Variants in NCOR1 observed in about 807,000 individuals in gnomAD.
NCOR1 encodes nuclear receptor corepressor 1.
NCOR1 carries 63 observed loss-of-function variants against 288.1 expected under a neutral mutation model. That is an observed-to-expected ratio of 0.22 (90% CI 0.18 to 0.27). NCOR1 has a LOEUF of 0.27. NCOR1 is among the 10% of genes least tolerant of loss of function. The pLI is 1.00. For missense variants in NCOR1, 2,397 were observed against 3,019.2 expected (o/e 0.79, Z 4.83); for synonymous variants, 1,007 against 1,065.9 (o/e 0.94, Z 1.08).
chr17:16,078,965 G>A (rs2062958073), intron 26 of NCOR1, among the ~76,000 whole-genome samples: 1 of 152,160 alleles, frequency 6.6e-6, no homozygotes, highest in Non-Finnish European at 1.5e-5. Flanking sequence ...CTACATTTCA[G>A]AAAGAAATCA....
In NCOR1 at chr17:16,140,176, A is replaced by T. The variant is rs537023087; in HGVS notation, c.1174-990T>A. 1.9e-4 allele frequency among the ~76,000 whole-genome samples: 29 copies of T among 152,336 alleles called. No homozygotes were observed. The South Asian group carries it at 5.6e-3, about 29-fold the overall frequency. On this transcript the variant is annotated intron_variant, in intron 11 of 45. Transcript: ENST00000268712. Reference sequence around the variant, plus strand: ...GGGCTGAATGTCATTTCAATCATGTACTTACAGATGTTTCCTCATGGAATC... The same window carrying T: ...GGGCTGAATGTCATTTCAATCATGTTCTTACAGATGTTTCCTCATGGAATC...
intron 1 of NCOR1, among the ~76,000 whole-genome samples, chr17:16,204,043 C>T (rs1022341463): frequency 2.8e-4 from 42 of 151,846 alleles, no homozygotes; most frequent in Non-Finnish European, 5.9e-4. Flanking sequence ...GTAACTAACC[C>T]CATCTGTATT....
At chr17:16,032,664 T>A (rs1001159748) in intron 45 of NCOR1, among the ~76,000 whole-genome samples, 181 bp from the exon 46 acceptor site, 3 of 152,188 alleles carry the variant, frequency 2.0e-5, no homozygotes, top group Non-Finnish European at 4.4e-5. Flanking sequence ...GCCAATGATA[T>A]ATAGCAGTCA....
chr17:16,092,343 T>G (rs962785773), intron 21 of NCOR1, among the ~76,000 whole-genome samples: 2 of 151,754 alleles, frequency 1.3e-5, no homozygotes, highest in African/African-American at 4.8e-5. Context: ...AAAATTTAGC[T>G]GGGTGCAGTG....
chr17:16,200,656 T>C (rs2090668271), intron 1 of NCOR1, among the ~76,000 whole-genome samples: 1 of 152,114 alleles, frequency 6.6e-6, no homozygotes, highest in Non-Finnish European at 1.5e-5. Context: ...AAATATGTAA[T>C]TTTTACGTGA....
chr17:16,121,399 ATTATC>A, intron 15 of NCOR1, 130 bp from the exon 16 acceptor site: 1 of 718,692 alleles, frequency 1.4e-6, no homozygotes, highest in Non-Finnish European at 2.1e-6. Context: ...AAAAAAAAAA[ATTATC>A]AACAATTCTG....
In NCOR1 at chr17:16,072,224, C is replaced by G. The variant is rs2061835782; in HGVS notation, c.3816G>C (p.Leu1272=). The change falls in exon 29 of 46, where the codon CTG becomes CTC. Residue 1272 remains leucine, a synonymous_variant. Coordinates refer to ENST00000268712, the MANE Select transcript of NCOR1 (RefSeq NM_006311.4). ...ESPVSAPLEG[L]ICRALPRGSP... is the part of the protein sequence containing the mutation. Reference sequence around the variant, plus strand: ...TCCCCCTGGGTAATGCTCGGCATATCAGCCCTTCCAAAACAAGAAAGCAAT... The same window carrying G: ...TCCCCCTGGGTAATGCTCGGCATATGAGCCCTTCCAAAACAAGAAAGCAAT... 6.2e-7 allele frequency: 1 copy of G among 1,609,496 alleles called. No homozygotes were observed. Among genetic ancestry groups the G allele is most frequent in the South Asian group, 1.1e-5 (1 of 90,324 alleles).
chr17:16,040,608 C>A, intron 42 of NCOR1, 114 bp from the exon 43 acceptor site: 1 of 933,020 alleles, frequency 1.1e-6, no homozygotes, highest in Non-Finnish European at 1.6e-6. Flanking sequence ...ATGATCTCAA[C>A]CTTTATTTCT....
chr17:16,079,974 G>A lies in NCOR1; in HGVS notation c.3491C>T (p.Ser1164Phe). 3 of 1,613,172 alleles carry A rather than the reference G, an allele frequency of 1.9e-6. No homozygotes were observed. Among genetic ancestry groups the A allele is most frequent in the Non-Finnish European group, 2.5e-6 (3 of 1,179,184 alleles). Reference protein sequence around the residue: ...SVESIPSLRGSITQGTPALPQ... With the variant: ...SVESIPSLRGFITQGTPALPQ... ...ATGATCGTGACTAACCTGAGTGATA[G>A]AGCCCCGTAGGGATGGAATGCTCTC... is the stretch of plus-strand genomic sequence containing the variant. The change falls in exon 26 of 46, where the codon TCT becomes TTT. Residue 1164 changes from serine to phenylalanine, a missense_variant. Coordinates refer to ENST00000268712, the MANE Select transcript of NCOR1 (RefSeq NM_006311.4).
chr17:16,160,798 A>T (rs551169601), intron 5 of NCOR1, among the ~76,000 whole-genome samples: 1 of 152,194 alleles, frequency 6.6e-6, no homozygotes, highest in Non-Finnish European at 1.5e-5. Flanking sequence ...TCTCAAAAAA[A>T]CTAAATAAAT....
intron 1 of NCOR1, among the ~76,000 whole-genome samples, chr17:16,195,954 CCAT>C (rs1443387754): frequency 6.6e-6 from 1 of 151,430 alleles, no homozygotes; most frequent in Non-Finnish European, 1.5e-5. Flanking sequence ...AAAATGTGTG[CCAT>C]AATATATAAT....
At position 16,127,329 on chromosome 17, in the gene NCOR1, GTATA is replaced by G. The variant is rs1190264005; in HGVS notation, c.1510-1127_1510-1124del. On this transcript the variant is annotated intron_variant, in intron 14 of 45. Coordinates refer to ENST00000268712, the MANE Select transcript of NCOR1 (RefSeq NM_006311.4). ...TATATACATGTATGTATATATGTATGTATATATACATGTATGTATATATGTATGT... is the reference window on the plus strand; with the variant it reads ...TATATACATGTATGTATATATGTATGTATACATGTATGTATATATGTATGT... Among the ~76,000 whole-genome samples, 77 of 52,578 alleles carry G rather than the reference GTATA, an allele frequency of 1.5e-3. 27 individuals are homozygous for G. The highest frequency in any genetic ancestry group is 3.4e-3 in the African/African-American group (72 of 21,370). 34.5% of individuals were successfully genotyped at this position (52,578 alleles called of 152,430 possible). A position where few individuals can be genotyped will look rare whatever the true frequency, so the allele number is the denominator to read the frequency against.
At chr17:16,139,616 G>C (rs1413226378) in intron 11 of NCOR1, among the ~76,000 whole-genome samples, 2 of 152,030 alleles carry the variant, frequency 1.3e-5, no homozygotes, top group Non-Finnish European at 2.9e-5. Flanking sequence ...ACAATAAATA[G>C]AAAAATAAGC....
rs1316141025 is a variant in NCOR1 at position 16,092,026 on chromosome 17, T to A, written c.2853A>T (p.Gly951=). ...VSCTPCNIPI[G]TPVSGYALYQ... is the part of the protein sequence containing the mutation. ...AGAGAGCATAGCCGCTCACTGGGGT[T>A]CCAATTGGTATGTTACATGGGGTGC... Residue 951 remains glycine, a synonymous_variant, in exon 22 of 46, where the codon GGA becomes GGT. Coordinates refer to ENST00000268712, the MANE Select transcript of NCOR1 (RefSeq NM_006311.4). 6.2e-7 allele frequency: 1 copy of A among 1,614,148 alleles called. No individual in the cohort carries two copies. Among genetic ancestry groups the A allele is most frequent in the African/African-American group, 1.3e-5 (1 of 75,032 alleles).
At chr17:16,204,927 T>A (rs1292923151) in intron 1 of NCOR1, among the ~76,000 whole-genome samples, 1 of 152,144 alleles carries the variant, frequency 6.6e-6, no homozygotes, top group African/African-American at 2.4e-5. Context: ...CACACATGAA[T>A]AAAGTGAGTG....
chr17:16,208,442 T>C (rs1305409416), intron 1 of NCOR1, among the ~76,000 whole-genome samples: 1 of 152,068 alleles, frequency 6.6e-6, no homozygotes, highest in Non-Finnish European at 1.5e-5. Flanking sequence ...TAAAACATTA[T>C]TGCATTCTAA....
intron 21 of NCOR1, among the ~76,000 whole-genome samples, chr17:16,092,695 A>ATATATT (rs1567961490): frequency 1.3e-4 from 3 of 22,602 alleles, no homozygotes; most frequent in Non-Finnish European, 2.1e-4. Context: ...ATATATATAT[A>ATATATT]TTTTTTTTTT....
chr17:16,059,569 T>G (rs1052350101), intron 37 of NCOR1, among the ~76,000 whole-genome samples: 1 of 152,156 alleles, frequency 6.6e-6, no homozygotes, highest in East Asian at 1.9e-4. Flanking sequence ...GGCTATGCAG[T>G]GGGGCTAACA....
chr17:16,117,360 G>A (rs1378939987), intron 18 of NCOR1, among the ~76,000 whole-genome samples: 4 of 152,092 alleles, frequency 2.6e-5, no homozygotes, highest in Non-Finnish European at 5.9e-5. Flanking sequence ...TGTTTGGACT[G>A]TTAGGAATAC....
Sources: gnomAD v4.1 joint callset for allele counts (sites outside exome capture counted in the v4.1 genomes callset) on GRCh38, gnomAD v4.1.1 for gene constraint, MANE v1.5 for transcripts, NCBI Gene and HGNC (gene_info 2026-07-23, HGNC 2026-07-21) for gene names.